The following SMARCA4 variants were observed in gnomAD, a reference collection of about 807,000 sequenced individuals.
SMARCA4 encodes SWI/SNF-related matrix-associated actin-dependent regulator of chromatin subfamily A member 4.
SMARCA4 carries 31 observed loss-of-function variants against 193.9 expected under a neutral mutation model. The observed-to-expected ratio is 0.16, with a 90% CI of 0.12 to 0.22. The LOEUF is 0.22. SMARCA4 is among the 10% of genes least tolerant of loss of function. The pLI is 1.00. For synonymous variants in SMARCA4, 942 were observed against 933.1 expected (o/e 1.01, Z -0.17); for missense variants, 1,148 against 2,296.0 (o/e 0.50, Z 10.22).
At chr19:10,997,892 G>C (rs1048198657) in intron 11 of SMARCA4, among the ~76,000 whole-genome samples, 1 of 152,170 alleles carries the variant, frequency 6.6e-6, no homozygotes, top group African/African-American at 2.4e-5. Flanking sequence ...CCGAGGTGAC[G>C]GACACAGGAG....
chr19:11,004,160 G>T (rs2087942256), intron 13 of SMARCA4, among the ~76,000 whole-genome samples: 2 of 152,024 alleles, frequency 1.3e-5, no homozygotes, highest in South Asian at 4.1e-4. Flanking sequence ...GGGACTTCAG[G>T]CACCTGCCAC....
chr19:10,972,105 G>A (rs771611789), intron 1 of SMARCA4, among the ~76,000 whole-genome samples: 2 of 152,020 alleles, frequency 1.3e-5, no homozygotes, highest in South Asian at 2.1e-4. Flanking sequence ...GATTACGGGC[G>A]CCTGCCACCA....
At chr19:11,059,724 C>G (rs1427819551) in intron 32 of SMARCA4, 29 bp from the exon 33 acceptor site, 6 of 1,553,080 alleles carry the variant, frequency 3.9e-6, no homozygotes, top group Middle Eastern at 1.7e-4. Flanking sequence ...TCGGGCCCAT[C>G]CACTCAAGCC....
chr19:10,979,657 G>T (rs1310828043), intron 1 of SMARCA4, among the ~76,000 whole-genome samples: 1 of 150,772 alleles, frequency 6.6e-6, no homozygotes, highest in Non-Finnish European at 1.5e-5. Context: ...ATGACCCACT[G>T]CCCCCAACAT....
intron 24 of SMARCA4, among the ~76,000 whole-genome samples, chr19:11,029,286 C>T (rs1384770281): frequency 2.6e-5 from 4 of 152,256 alleles, no homozygotes; most frequent in African/African-American, 4.8e-5. Flanking sequence ...CCGTCTGTGT[C>T]GTGTCCCTGA....
chr19:11,054,943 G>A (rs73500697), intron 30 of SMARCA4, among the ~76,000 whole-genome samples: 14,377 of 152,112 alleles, frequency 0.095, 1,233 homozygotes, highest in African/African-American at 0.23. Context: ...AGGTGGTGGC[G>A]CCTATCCAGA....
Position 10,975,646 on chromosome 19 carries a change from G to A in SMARCA4, c.-31-8475G>A, listed in dbSNP as rs1239121174. Among the ~76,000 whole-genome samples, 5 of 151,678 alleles carry A rather than the reference G, an allele frequency of 3.3e-5. No homozygotes were observed. The East Asian group carries it at 7.7e-4, about 23-fold the overall frequency. Reference sequence around the variant, plus strand: ...TTTGATGTGCCAAGACTTCTGCAGCGTGGGTTGTGTGGGGGTTCTGATTGC... The same window carrying A: ...TTTGATGTGCCAAGACTTCTGCAGCATGGGTTGTGTGGGGGTTCTGATTGC... On this transcript the variant is annotated intron_variant, in intron 1 of 34. Transcript: ENST00000344626.
At chr19:11,007,121 G>C (rs1031458315) in intron 13 of SMARCA4, among the ~76,000 whole-genome samples, 2 of 151,738 alleles carry the variant, frequency 1.3e-5, no homozygotes, top group Non-Finnish European at 2.9e-5. Context: ...TCAGGAATCT[G>C]TGGTGGGGAA....
At chr19:11,013,841 T>C (rs1382053136) in intron 16 of SMARCA4, among the ~76,000 whole-genome samples, 1 of 152,120 alleles carries the variant, frequency 6.6e-6, no homozygotes, top group Non-Finnish European at 1.5e-5. Context: ...CATGGTGGGA[T>C]CCGGACACCC....
chr19:11,002,092 A>G (rs2087693371), intron 11 of SMARCA4, among the ~76,000 whole-genome samples: 1 of 152,220 alleles, frequency 6.6e-6, no homozygotes, highest in South Asian at 2.1e-4. Context: ...CTTGTTTCTT[A>G]TCCATGGAAT....
intron 30 of SMARCA4, among the ~76,000 whole-genome samples, chr19:11,044,251 T>C (rs932737805): frequency 6.6e-6 from 1 of 151,924 alleles, no homozygotes; most frequent in African/African-American, 2.4e-5. Flanking sequence ...TGTAAGAACG[T>C]GAAAGGTAAA....
In SMARCA4 at chr19:11,046,238, A is replaced by T. The variant is rs111941891; in HGVS notation, c.4424+4678A>T. 2.2e-3 allele frequency among the ~76,000 whole-genome samples: 338 copies of T among 151,682 alleles called. 2 individuals are homozygous for T. Among genetic ancestry groups the T allele is most frequent in the African/African-American group, 7.8e-3 (324 of 41,364 alleles). ...ACTCCGTCTCAAAAAAAAAAAAAAA[A>T]CCCCAAATCTTAACTCTTACTGCTA... On this transcript the variant is annotated intron_variant, in intron 30 of 34. Transcript: ENST00000344626.
rs1178420558 is a variant in SMARCA4 at position 11,061,188 on chromosome 19, T to TTAAAAA, written c.4912-596_4912-595insTAAAAA. Among the ~76,000 whole-genome samples, 24 of 68,852 alleles carry TTAAAAA rather than the reference T, an allele frequency of 3.5e-4. 2 individuals are homozygous for TTAAAAA. Among genetic ancestry groups the TTAAAAA allele is most frequent in the African/African-American group, 2.0e-3 (24 of 12,062 alleles). The allele number at this position is 68,852 out of a possible 152,430, so 45.2% of individuals were successfully genotyped here. On this transcript the variant is annotated intron_variant, in intron 34 of 34. Coordinates refer to ENST00000344626, the MANE Select transcript of SMARCA4 (RefSeq NM_003072.5). ...GGGCAACAGAGCAAGACCCTGTCTTTAAAAAAAAAAAAAAAAATATATATA... is the reference window on the plus strand; with the variant it reads ...GGGCAACAGAGCAAGACCCTGTCTTTTAAAAAAAAAAAAAAAAAAAAAATATATATA...
At position 11,010,181 on chromosome 19, in the gene SMARCA4, G is replaced by A. The variant is rs531768423; in HGVS notation, c.2124-200G>A. 9.7e-4 allele frequency among the ~76,000 whole-genome samples: 147 copies of A among 152,274 alleles called. 1 individual carries two copies. The highest frequency in any genetic ancestry group is 3.2e-3 in the African/African-American group (133 of 41,560). On this transcript the variant is annotated intron_variant, in intron 14 of 34. Transcript: ENST00000344626. ...CAATCAGGACCCAGAGCTCCCAGGA[G>A]TCCAGTCTGGACCCCTCAGGCTTAG...
intron 30 of SMARCA4, among the ~76,000 whole-genome samples, chr19:11,054,961 G>A (rs962990530): frequency 5.9e-5 from 9 of 152,106 alleles, no homozygotes; most frequent in South Asian, 2.1e-4. Flanking sequence ...AGAGGACTCC[G>A]GGTTTCATTC....
chr19:11,059,977 C>A (rs922468635), intron 33 of SMARCA4, 68 bp from the exon 34 acceptor site: 1 of 1,611,838 alleles, frequency 6.2e-7, no homozygotes, highest in Non-Finnish European at 8.5e-7. Flanking sequence ...GGCTCCCAGA[C>A]GCCCCTTGCT....
At chr19:10,974,685 A>ATTTTTTTTTTTTTTTTTTTT (rs2084964871) in intron 1 of SMARCA4, among the ~76,000 whole-genome samples, 1 of 48,732 alleles carries the variant, frequency 2.1e-5, no homozygotes, top group African/African-American at 9.2e-5. Context: ...ATATATATAT[A>ATTTTTTTTTTTTTTTTTTTT]TATATTTTTT....
intron 11 of SMARCA4, among the ~76,000 whole-genome samples, chr19:10,997,176 C>T (rs912361598): frequency 2.6e-5 from 4 of 151,978 alleles, no homozygotes; most frequent in Non-Finnish European, 5.9e-5. Context: ...TCCACCACCA[C>T]GCCCATTTAA....
rs758091260 is a variant in SMARCA4, at chr19:10,987,758, G to A, written c.952G>A (p.Val318Ile). Residue 318 changes from valine to isoleucine, a missense_variant, in exon 6 of 35, where the codon GTC becomes ATC. Physicochemically the swap from Val to Ile is conservative, Grantham distance 29 (BLOSUM62 3). Coordinates refer to ENST00000344626, the MANE Select transcript of SMARCA4 (RefSeq NM_003072.5). The surrounding 1 kb of genome is among the most constrained non-coding windows in gnomAD (Gnocchi z 5.3). ...CCGCCCTTCCCCCGCGCCCCCTGCC[G>A]TCCCACCCGCCGCCTCGCCCGTGAT... The part of the protein sequence containing the change: ...TGRPSPAPPA[V>I]PPAASPVMPP... 4.7e-5 allele frequency: 75 copies of A among 1,598,486 alleles called. 1 individual carries two copies. Among genetic ancestry groups the A allele is most frequent in the South Asian group, 4.0e-4 (36 of 89,670 alleles).
Sources: allele counts gnomAD v4.1 joint callset (sites outside exome capture counted in the v4.1 genomes callset), GRCh38; gene constraint gnomAD v4.1.1; non-coding constraint Gnocchi (gnomAD v3.1); transcripts MANE v1.5; gene names NCBI Gene and HGNC (gene_info 2026-07-23, HGNC 2026-07-21).